UBE2L3: variants seen among roughly 807,000 people sequenced by gnomAD.
UBE2L3 encodes ubiquitin conjugating enzyme E2 L3.
UBE2L3 carries 1 observed loss-of-function variant against 17.8 expected under a neutral mutation model. The ratio of observed to expected loss-of-function variants is 0.06; its 90% CI spans 0.02 to 0.27. The LOEUF is 0.27. Among genes scored for constraint, UBE2L3 ranks in the 10% least tolerant of loss-of-function variants. The pLI is 1.00. For synonymous variants in UBE2L3, 44 were observed against 68.5 expected, an observed-to-expected ratio of 0.64 and a Z score of 1.76; for missense variants, 40 against 192.6, an observed-to-expected ratio of 0.21 and a Z score of 4.69.
intron 2 of UBE2L3, among the ~76,000 whole-genome samples, chr22:21,599,319 C>G (rs1156708007): frequency 6.6e-6 from 1 of 152,278 alleles, no homozygotes; most frequent in Admixed American, 6.5e-5. Flanking sequence ...TCCCCTACTT[C>G]CGTCTCCTGT....
At chr22:21,573,877 G>C (rs986179976) in intron 1 of UBE2L3, among the ~76,000 whole-genome samples, 1 of 152,200 alleles carries the variant, frequency 6.6e-6, no homozygotes, top group African/African-American at 2.4e-5. Context: ...GGCATGTCCA[G>C]TGCACCTGGT....
intron 3 of UBE2L3, among the ~76,000 whole-genome samples, chr22:21,614,080 C>G (rs149792710): frequency 6.6e-6 from 1 of 152,196 alleles, no homozygotes; most frequent in Admixed American, 6.5e-5. Flanking sequence ...AGTCCCCTTG[C>G]TGCCTCCTCA....
At chr22:21,584,089 G>A (rs1300634866) in intron 1 of UBE2L3, among the ~76,000 whole-genome samples, 2 of 151,960 alleles carry the variant, frequency 1.3e-5, no homozygotes, top group Non-Finnish European at 2.9e-5. Context: ...TGGTCAGGCT[G>A]GTCTCGAACT....
chr22:21,572,854 G>A (rs1284969035), intron 1 of UBE2L3, among the ~76,000 whole-genome samples: 1 of 152,154 alleles, frequency 6.6e-6, no homozygotes, highest in Non-Finnish European at 1.5e-5. Context: ...TGGTTCACTT[G>A]TCTACTCAGT....
chr22:21,582,511 T>G (rs1927699326), intron 1 of UBE2L3, among the ~76,000 whole-genome samples: 1 of 151,208 alleles, frequency 6.6e-6, no homozygotes, highest in African/African-American at 2.4e-5. Flanking sequence ...GCATCATGAC[T>G]CCTGGCTAAT....
intron 1 of UBE2L3, among the ~76,000 whole-genome samples, chr22:21,580,874 C>T (rs1442161158): frequency 2.7e-5 from 4 of 149,752 alleles, no homozygotes; most frequent in Non-Finnish European, 5.9e-5. Context: ...CATGAGCCAC[C>T]ATGCCTGGCC....
At chr22:21,591,524 A>G (rs576964654) in intron 1 of UBE2L3, among the ~76,000 whole-genome samples, 21 of 152,340 alleles carry the variant, frequency 1.4e-4, no homozygotes, top group African/African-American at 5.1e-4. Flanking sequence ...CCGGGCGCCC[A>G]GCACATCTTC....
At chr22:21,569,470 A>G (rs1238202821) in intron 1 of UBE2L3, among the ~76,000 whole-genome samples, 2 of 151,276 alleles carry the variant, frequency 1.3e-5, no homozygotes, top group Non-Finnish European at 2.9e-5. Context: ...CTCTGAATCT[A>G]TATCCTCATC....
At chr22:21,618,894 A>C (rs1277218618) in intron 3 of UBE2L3, among the ~76,000 whole-genome samples, 1 of 152,176 alleles carries the variant, frequency 6.6e-6, no homozygotes, top group Non-Finnish European at 1.5e-5. Context: ...CCTCTGCATT[A>C]GTTACCAAGG....
rs761153374 is a variant in UBE2L3 at position 21,621,499 on chromosome 22, G to C, written c.311-16G>C. 16 of 1,599,132 alleles carry C rather than the reference G, an allele frequency of 1.0e-5. No individual in the cohort carries two copies. The South Asian group carries it at 1.7e-4, about 17-fold the overall frequency. On this transcript the variant is annotated splice_polypyrimidine_tract_variant and intron_variant, in intron 3 of 3. Coordinates refer to ENST00000342192, the MANE Select transcript of UBE2L3 (RefSeq NM_003347.4). ...AGACTGTGTTAACCCCCCATGCCTT[G>C]TCCTTCTCTTGGCAGTAATCCAGTC...
intron 1 of UBE2L3, chr22:21,568,232 C>A (rs929235787): frequency 1.0e-6 from 1 of 988,256 alleles, no homozygotes; most frequent in Non-Finnish European, 1.2e-6. Flanking sequence ...TTGGCCCGGC[C>A]GCAGCTCGGG....
At chr22:21,557,950 C>G (rs1409959728) in intron 1 of UBE2L3, among the ~76,000 whole-genome samples, 2 of 150,050 alleles carry the variant, frequency 1.3e-5, no homozygotes, top group African/African-American at 4.9e-5. Context: ...TGTGCTCACA[C>G]ACACACAACA....
chr22:21,615,839 C>A (rs564475078), intron 3 of UBE2L3, among the ~76,000 whole-genome samples: 5 of 152,196 alleles, frequency 3.3e-5, no homozygotes, highest in Admixed American at 6.5e-5. Flanking sequence ...CTTCTTGTTT[C>A]AGCTCTCAAC....
At chr22:21,600,651 G>A (rs149887059) in intron 2 of UBE2L3, among the ~76,000 whole-genome samples, 7 of 152,002 alleles carry the variant, frequency 4.6e-5, no homozygotes, top group South Asian at 2.1e-4. Flanking sequence ...AGCCAAGATC[G>A]CGCCACTGCA....
intron 1 of UBE2L3, among the ~76,000 whole-genome samples, chr22:21,558,834 T>A (rs1926331443): frequency 6.6e-6 from 1 of 152,088 alleles, no homozygotes; most frequent in African/African-American, 2.4e-5. Context: ...GTCTGTTCTT[T>A]GCTGTCTCCT....
chr22:21,597,775 ATTTTT>A (rs35054754), intron 2 of UBE2L3, among the ~76,000 whole-genome samples: 24 of 25,592 alleles, frequency 9.4e-4, no homozygotes, highest in African/African-American at 2.9e-3. Flanking sequence ...TTATATGTAG[ATTTTT>A]TTTTTTTTTT....
chr22:21,603,042 G>A (rs959465411), intron 2 of UBE2L3, among the ~76,000 whole-genome samples: 3 of 152,090 alleles, frequency 2.0e-5, no homozygotes, highest in African/African-American at 4.8e-5. Context: ...GAGATGGCAC[G>A]GAAAAGCACC....
At chr22:21,619,012 G>A (rs1003228322) in intron 3 of UBE2L3, among the ~76,000 whole-genome samples, 3 of 152,268 alleles carry the variant, frequency 2.0e-5, no homozygotes, top group Admixed American at 1.3e-4. Context: ...GCCCAGTGAG[G>A]TTTCTAAAAT....
intron 2 of UBE2L3, among the ~76,000 whole-genome samples, chr22:21,598,133 C>T (rs1383057996): frequency 6.8e-6 from 1 of 147,996 alleles, no homozygotes. Flanking sequence ...TCTCTTTTTC[C>T]TTTTATCAGT....
Sources: allele counts gnomAD v4.1 joint callset (sites outside exome capture counted in the v4.1 genomes callset), GRCh38; gene constraint gnomAD v4.1.1; transcripts MANE v1.5; gene names NCBI Gene and HGNC (gene_info 2026-07-23, HGNC 2026-07-21).